DOK6: variants seen among roughly 807,000 people sequenced by gnomAD.
The protein encoded by DOK6 is downstream of tyrosine kinase 6.
DOK6 carries 22 observed loss-of-function variants against 44.0 expected under a neutral mutation model. The observed-to-expected ratio is 0.50, with a 90% CI of 0.36 to 0.71. The LOEUF is 0.71. Among genes scored for constraint, DOK6 ranks in the 30% least tolerant of loss-of-function variants. The pLI is 0.00. For missense variants in DOK6, 340 were observed against 416.4 expected (o/e 0.82, Z 1.60); for synonymous variants, 166 against 145.5 (o/e 1.14, Z -1.01).
At chr18:69,778,166 A>T in intron 7 of DOK6, among the ~76,000 whole-genome samples, 1 of 151,818 alleles carries the variant, frequency 6.6e-6, no homozygotes, top group Non-Finnish European at 1.5e-5. Flanking sequence ...ATACATGGGT[A>T]TGCGCACAAG....
rs184552524 is a variant in DOK6, at chr18:69,835,061, C to A, written c.857-6183C>A. Among the ~76,000 whole-genome samples, 356 of 152,316 alleles carry A rather than the reference C, an allele frequency of 2.3e-3. 3 individuals carry two copies. Among genetic ancestry groups the A allele is most frequent in the African/African-American group, 8.1e-3 (336 of 41,586 alleles). ...CTATCGCAAGAACAGCATGGGGGAACCAACCCCATAATCCAGTCACCTCCC... is the reference window on the plus strand; with the variant it reads ...CTATCGCAAGAACAGCATGGGGGAAACAACCCCATAATCCAGTCACCTCCC... On this transcript the variant is annotated intron_variant, in intron 7 of 7. Transcript: ENST00000382713.
At chr18:69,682,856 T>C (rs1436474990) in intron 4 of DOK6, among the ~76,000 whole-genome samples, 1 of 152,250 alleles carries the variant, frequency 6.6e-6, no homozygotes, top group East Asian at 1.9e-4. Context: ...TTCCTTTTTA[T>C]AATTATTTCT....
At chr18:69,430,930 C>T (rs1218417685) in intron 1 of DOK6, among the ~76,000 whole-genome samples, 1 of 152,158 alleles carries the variant, frequency 6.6e-6, no homozygotes, top group Admixed American at 6.5e-5. Flanking sequence ...TGCGCCACTG[C>T]ACTCTAGCCT....
chr18:69,673,800 T>C (rs993002817), intron 3 of DOK6, among the ~76,000 whole-genome samples: 1 of 152,158 alleles, frequency 6.6e-6, no homozygotes, highest in African/African-American at 2.4e-5. Flanking sequence ...CTGCAAGCTA[T>C]CTGAAAAAGG....
chr18:69,436,298 C>A (rs552699973), intron 1 of DOK6, among the ~76,000 whole-genome samples: 2 of 152,126 alleles, frequency 1.3e-5, no homozygotes, highest in Non-Finnish European at 2.9e-5. Flanking sequence ...AGGTATTTCT[C>A]CTAATGCTGT....
intron 3 of DOK6, among the ~76,000 whole-genome samples, chr18:69,601,684 G>A (rs1983876416): frequency 6.6e-6 from 1 of 152,170 alleles, no homozygotes; most frequent in African/African-American, 2.4e-5. Context: ...TTAATTTAAA[G>A]GCCATCAAGA....
chr18:69,483,425 T>C (rs1211654091), intron 1 of DOK6, among the ~76,000 whole-genome samples: 1 of 152,032 alleles, frequency 6.6e-6, no homozygotes, highest in Non-Finnish European at 1.5e-5. Flanking sequence ...AGTGATGTTA[T>C]TAGATGAAAG....
intron 1 of DOK6, among the ~76,000 whole-genome samples, chr18:69,442,066 T>C (rs1204132345): frequency 1.3e-5 from 2 of 152,174 alleles, no homozygotes; most frequent in Non-Finnish European, 2.9e-5. Flanking sequence ...CCAAATTGTG[T>C]ACCAATCCTG....
chr18:69,763,200 T>C (rs1979618134), intron 7 of DOK6, among the ~76,000 whole-genome samples: 1 of 152,240 alleles, frequency 6.6e-6, no homozygotes, highest in Admixed American at 6.5e-5. Context: ...TGGCAGCCAC[T>C]GTTTAAAAAT....
At chr18:69,704,232 C>A (rs546128006) in intron 5 of DOK6, among the ~76,000 whole-genome samples, 1 of 152,096 alleles carries the variant, frequency 6.6e-6, no homozygotes, top group African/African-American at 2.4e-5. Flanking sequence ...CCTCCACAGC[C>A]CCCCCACCCC....
intron 1 of DOK6, among the ~76,000 whole-genome samples, chr18:69,557,057 A>G (rs1982704648): frequency 6.6e-6 from 1 of 152,192 alleles, no homozygotes. Flanking sequence ...ACAGTTATAA[A>G]TTAATAATAA....
intron 3 of DOK6, among the ~76,000 whole-genome samples, chr18:69,633,279 C>A (rs565016540): frequency 6.6e-6 from 1 of 152,248 alleles, no homozygotes; most frequent in Admixed American, 6.5e-5. Context: ...AGTATTCACA[C>A]CGATTTTACA....
At chr18:69,423,432 C>G (rs573240621) in intron 1 of DOK6, among the ~76,000 whole-genome samples, 1 of 152,328 alleles carries the variant, frequency 6.6e-6, no homozygotes, top group Admixed American at 6.5e-5. Flanking sequence ...TAAGACTAGT[C>G]TGTACACTTC....
intron 7 of DOK6, among the ~76,000 whole-genome samples, chr18:69,798,940 C>G (rs1238864912): frequency 6.6e-6 from 1 of 152,006 alleles, no homozygotes; most frequent in Admixed American, 6.6e-5. Context: ...AGCAATACAA[C>G]TGCAGGCAGG....
At chr18:69,545,280 T>C (rs1010636748) in intron 1 of DOK6, among the ~76,000 whole-genome samples, 6 of 150,770 alleles carry the variant, frequency 4.0e-5, no homozygotes, top group Non-Finnish European at 8.9e-5. Context: ...AGTGTTGTGA[T>C]TGTTTCCAAA....
intron 7 of DOK6, among the ~76,000 whole-genome samples, chr18:69,768,692 T>C (rs1156380377): frequency 6.6e-6 from 1 of 151,010 alleles, no homozygotes; most frequent in Non-Finnish European, 1.5e-5. Flanking sequence ...GAAATTAACA[T>C]CCTTAAAATT....
intron 5 of DOK6, among the ~76,000 whole-genome samples, chr18:69,728,988 A>G (rs1008380314): frequency 6.6e-6 from 1 of 152,170 alleles, no homozygotes; most frequent in African/African-American, 2.4e-5. Flanking sequence ...TCACCTGACC[A>G]GGGCCAGGAT....
intron 1 of DOK6, among the ~76,000 whole-genome samples, chr18:69,512,938 C>T (rs1981413747): frequency 6.6e-6 from 1 of 152,164 alleles, no homozygotes; most frequent in African/African-American, 2.4e-5. Context: ...CCAGATGTCA[C>T]ATTTCGTTAG....
intron 7 of DOK6, among the ~76,000 whole-genome samples, chr18:69,782,078 A>G (rs1053666139): frequency 4.2e-5 from 6 of 144,286 alleles, no homozygotes; most frequent in African/African-American, 1.5e-4. Context: ...AAAAAAATGG[A>G]AAGATTATAG....
Sources: allele counts gnomAD v4.1 joint callset (sites outside exome capture counted in the v4.1 genomes callset), GRCh38; gene constraint gnomAD v4.1.1; transcripts MANE v1.5; gene names NCBI Gene and HGNC (gene_info 2026-07-23, HGNC 2026-07-21).